ZNF761: variants seen among roughly 807,000 people sequenced by gnomAD.
The protein encoded by ZNF761 is zinc finger protein 761.
ZNF761 carries 43 observed loss-of-function variants against 59.9 expected under a neutral mutation model. That is an observed-to-expected ratio of 0.72 (90% CI 0.56 to 0.92). The LOEUF is 0.92. Among genes scored for constraint, ZNF761 ranks in the 40% least tolerant of loss-of-function variants. The pLI is 0.00. For missense variants in ZNF761, 850 were observed against 906.1 expected (o/e 0.94, Z 0.79); for synonymous variants, 294 against 304.8 (o/e 0.96, Z 0.37).
At chr19:53,438,768 G>C (rs1379618012) in intron 1 of ZNF761, among the ~76,000 whole-genome samples, 1 of 152,156 alleles carries the variant, frequency 6.6e-6, no homozygotes, top group Non-Finnish European at 1.5e-5. Flanking sequence ...ATGACACCTA[G>C]ATATGTAACC....
chr19:53,439,946 C>T (rs1490407362), intron 1 of ZNF761, among the ~76,000 whole-genome samples: 3 of 152,104 alleles, frequency 2.0e-5, no homozygotes, highest in Non-Finnish European at 2.9e-5. Flanking sequence ...GGGTTGTCCT[C>T]AGCCTATACT....
intron 1 of ZNF761, chr19:53,442,308 G>GA (rs2086109231): frequency 7.9e-7 from 1 of 1,257,940 alleles, no homozygotes; most frequent in Non-Finnish European, 1.2e-6. Context: ...AGCTGAGCTG[G>GA]CAGAGTCCCG....
At chr19:53,444,065 T>G (rs1242606682) in intron 1 of ZNF761, 13 of 152,528 alleles carry the variant, frequency 8.5e-5, no homozygotes, top group Admixed American at 7.8e-4. Flanking sequence ...CACAATGCAC[T>G]GCAGAAGGCC....
At chr19:53,435,738 C>T (rs2086034950) in intron 1 of ZNF761, among the ~76,000 whole-genome samples, 1 of 151,864 alleles carries the variant, frequency 6.6e-6, no homozygotes, top group South Asian at 2.1e-4. Context: ...CTTCTTCTAC[C>T]ATGGTTAAGG....
rs766493631 is a variant in ZNF761, at chr19:53,456,628, C to T, written c.2121C>T (p.Cys707=). 1.2e-6 allele frequency: 2 copies of T among 1,601,014 alleles called. No homozygotes were observed. Among genetic ancestry groups the T allele is most frequent in the African/African-American group, 1.4e-5 (1 of 71,276 alleles). ...KNFSQKSSLI[C]HHRLHTGEKP... is the part of the protein sequence containing the mutation. Reference sequence around the variant, plus strand: ...TTAGTCAGAAGTCATCCCTTATATGCCACCATAGACTTCATACTGGAGAGA... The same window carrying T: ...TTAGTCAGAAGTCATCCCTTATATGTCACCATAGACTTCATACTGGAGAGA... The change falls in exon 5 of 5, where the codon TGC becomes TGT. Residue 707 remains cysteine, a synonymous_variant. Transcript: ENST00000684525.
chr19:53,456,489 C>A lies in ZNF761; in HGVS notation c.1982C>A (p.Pro661His). 6.2e-7 allele frequency: 1 copy of A among 1,613,986 alleles called. No homozygotes were observed. Among genetic ancestry groups the A allele is most frequent in the South Asian group, 1.1e-5 (1 of 91,078 alleles). Residue 661 changes from proline (P) to histidine (H), a missense_variant, in exon 5 of 5, where the codon CCT becomes CAT. By Grantham distance (77) the Pro-to-His change is moderately conservative (BLOSUM62 -2). Transcript: ENST00000684525. ...GHRRIHTGEK[P>H]YKCNECGKTF... ...AGGAGAATTCATACTGGAGAGAAAC[C>A]TTACAAGTGTAATGAGTGTGGCAAG...
chr19:53,432,458 C>T (rs1017682795), intron 1 of ZNF761, among the ~76,000 whole-genome samples: 3 of 152,130 alleles, frequency 2.0e-5, no homozygotes, highest in African/African-American at 4.8e-5. Flanking sequence ...TGCTGTCGCC[C>T]CTTCACCTCC....
At position 53,456,820 on chromosome 19, in the gene ZNF761, C is replaced by A. The variant is rs2086277040; in HGVS notation, c.*72C>A. ...CATAGAATTCATACTGGGGAGAAAC[C>A]TTAGAAATGTGAAGCATGTGATAAA... On this transcript the variant is annotated 3_prime_UTR_variant, in exon 5 of 5. Coordinates refer to ENST00000684525, the MANE Select transcript of ZNF761 (RefSeq NM_001289951.2). 2.0e-6 allele frequency: 3 copies of A among 1,513,362 alleles called. No homozygotes were observed. The highest frequency in any genetic ancestry group is 2.7e-6 in the Non-Finnish European group (3 of 1,099,720). 93.7% of individuals were successfully genotyped at this position (1,513,362 alleles called of 1,614,324 possible).
intron 1 of ZNF761, chr19:53,444,527 A>G (rs1255322008): frequency 6.6e-6 from 1 of 152,128 alleles, no homozygotes; most frequent in Non-Finnish European, 1.5e-5. Flanking sequence ...TCTCCCCACC[A>G]TTAGCCTGTA....
chr19:53,439,375 G>A (rs985547872), intron 1 of ZNF761, among the ~76,000 whole-genome samples: 2 of 151,754 alleles, frequency 1.3e-5, no homozygotes, highest in Admixed American at 6.6e-5. Flanking sequence ...GCGTGGTCTC[G>A]GCTCACTGTA....
chr19:53,438,950 A>G (rs998748195), intron 1 of ZNF761, among the ~76,000 whole-genome samples: 5 of 152,180 alleles, frequency 3.3e-5, no homozygotes, highest in Non-Finnish European at 7.4e-5. Context: ...GGTATAGGCC[A>G]TGAGGTCTGA....
Position 53,456,809 on chromosome 19 carries a change from T to C in ZNF761, c.*61T>C. 1 of 1,557,752 alleles carries C rather than the reference T, an allele frequency of 6.4e-7. No individual in the cohort carries two copies. Among genetic ancestry groups the C allele is most frequent in the Admixed American group, 1.7e-5 (1 of 58,772 alleles). ...TTGCAGGTCATCATAGAATTCATAC[T>C]GGGGAGAAACCTTAGAAATGTGAAG... On this transcript the variant is annotated 3_prime_UTR_variant, in exon 5 of 5. Transcript: ENST00000684525.
At chr19:53,451,976 T>G (rs1367760407) in intron 4 of ZNF761, among the ~76,000 whole-genome samples, 2 of 152,158 alleles carry the variant, frequency 1.3e-5, no homozygotes, top group South Asian at 4.1e-4. Flanking sequence ...TTCCTTTGTT[T>G]AATCAGATTT....
chr19:53,433,997 C>T (rs949186925), intron 1 of ZNF761, among the ~76,000 whole-genome samples: 3 of 152,148 alleles, frequency 2.0e-5, no homozygotes, highest in Non-Finnish European at 4.4e-5. Flanking sequence ...ACTCCTCCTT[C>T]CTAGGCTAGG....
At chr19:53,445,150 A>G (rs539589860) in intron 1 of ZNF761, 2 of 151,684 alleles carry the variant, frequency 1.3e-5, no homozygotes, top group Admixed American at 6.6e-5. Flanking sequence ...CCAGCCACCC[A>G]TGTATTCCTG....
chr19:53,433,312 T>G (rs925410620), intron 1 of ZNF761, among the ~76,000 whole-genome samples: 7 of 152,056 alleles, frequency 4.6e-5, no homozygotes, highest in South Asian at 2.1e-4. Flanking sequence ...ATAACTTGTG[T>G]CCTTCCATAG....
At chr19:53,452,100 A>G (rs1161489118) in intron 4 of ZNF761, among the ~76,000 whole-genome samples, 2 of 152,082 alleles carry the variant, frequency 1.3e-5, no homozygotes, top group African/African-American at 4.8e-5. Flanking sequence ...TCTAATCCCA[A>G]CAGTTTCGGA....
intron 3 of ZNF761, among the ~76,000 whole-genome samples, chr19:53,447,924 C>T (rs117045828): frequency 0.027 from 4,085 of 152,244 alleles, 87 homozygotes; most frequent in Middle Eastern, 0.041. Flanking sequence ...CTCATGGAGA[C>T]TGTGGTGTTA....
At position 53,442,182 on chromosome 19, in the gene ZNF761, C is replaced by T. The variant is rs143639299; in HGVS notation, c.-184-4045C>T. On this transcript the variant is annotated intron_variant, in intron 1 of 4. Coordinates refer to ENST00000684525, the MANE Select transcript of ZNF761 (RefSeq NM_001289951.2). ...TTAAAAGATGAAGAAGATGGAACTC[C>T]AGGAAATCCAACTCAAAGAAGCTAA... 6,862 of 1,114,054 alleles carry T rather than the reference C, an allele frequency of 6.2e-3. 314 individuals are homozygous for T. The African/African-American group carries it at 0.091, about 15-fold the overall frequency. The allele number at this position is 1,114,054 out of a possible 1,614,324, so 69.0% of individuals were successfully genotyped here. A position where few individuals can be genotyped will look rare whatever the true frequency, so the allele number is the denominator to read the frequency against.
Sources: gnomAD v4.1 joint callset for allele counts (sites outside exome capture counted in the v4.1 genomes callset) on GRCh38, gnomAD v4.1.1 for gene constraint, MANE v1.5 for transcripts, NCBI Gene and HGNC (gene_info 2026-07-23, HGNC 2026-07-21) for gene names.